DNM2: variants seen among roughly 807,000 people sequenced by gnomAD.
DNM2 encodes the protein dynamin 2, also known as dynamin-2.
A neutral mutation model predicts 99.0 loss-of-function variants in DNM2; 15 were observed. That is an observed-to-expected ratio of 0.15 (90% confidence interval 0.10 to 0.23). The LOEUF (loss-of-function observed/expected upper bound fraction) is 0.23, where lower values mean the gene tolerates loss of function less well. Ranked by LOEUF, DNM2 falls within the 10% of genes least tolerant of loss-of-function variation. The pLI is 1.00. For missense variants in DNM2, 742 were observed against 1,189.4 expected, an observed-to-expected ratio of 0.62 and a Z score of 5.53; for synonymous variants, 525 against 481.2, an observed-to-expected ratio of 1.09 and a Z score of -1.19.
chr19:10,817,171 A>C lies in DNM2; in HGVS notation c.1672-2809A>C, dbSNP rs1169863901. 6.6e-6 allele frequency among the ~76,000 whole-genome samples: 1 copy of C among 152,222 alleles called. No homozygotes were observed. The highest frequency in any genetic ancestry group is 2.4e-5 in the African/African-American group (1 of 41,452). ...CCTCAGTGAGACACAAGACATCAATATCTCTTTATTTAAAAAATAAACAAG... is the reference window on the plus strand; with the variant it reads ...CCTCAGTGAGACACAAGACATCAATCTCTCTTTATTTAAAAAATAAACAAG... On this transcript the variant is annotated intron_variant, in intron 15 of 20. Coordinates refer to ENST00000389253, the MANE Select transcript of DNM2 (RefSeq NM_001005361.3). This position sits in a 1 kb window ranked among gnomAD's most constrained non-coding sequence, Gnocchi z 4.6.
intron 11 of DNM2, among the ~76,000 whole-genome samples, chr19:10,802,017 C>T (rs576054340): frequency 4.6e-5 from 7 of 152,266 alleles, no homozygotes; most frequent in South Asian, 4.1e-4. Flanking sequence ...CAGGGTCACA[C>T]GGCCAATTAG....
chr19:10,734,723 AT>A (rs916955979), intron 1 of DNM2, among the ~76,000 whole-genome samples: 33 of 144,264 alleles, frequency 2.3e-4, no homozygotes, highest in African/African-American at 3.6e-4. Flanking sequence ...TTAAAAAAAA[AT>A]TTTTTTTTTT....
Position 10,718,300 on chromosome 19 carries a change from T to C in DNM2, c.58T>C (p.Phe20Leu). Residue 20 changes from phenylalanine (F) to leucine (L), a missense_variant, in exon 1 of 21, where the codon TTC becomes CTC. By Grantham distance (22) the Phe-to-Leu change is conservative (BLOSUM62 0). Coordinates refer to ENST00000389253, the MANE Select transcript of DNM2 (RefSeq NM_001005361.3). ...GCTGGTCAACAAACTGCAGGACGCC[T>C]TCAGCTCCATCGGCCAGAGCTGCCA... ...IPLVNKLQDAFSSIGQSCHLD... is the reference protein window; with the variant it reads ...IPLVNKLQDALSSIGQSCHLD... The C allele has an allele frequency of 6.6e-7, 1 of 1,507,484 alleles. No individual in the cohort carries two copies. The highest frequency in any genetic ancestry group is 8.9e-7 in the Non-Finnish European group (1 of 1,128,648). The allele number at this position is 1,507,484 out of a possible 1,614,324, so 93.4% of individuals were successfully genotyped here. A position where few individuals can be genotyped will look rare whatever the true frequency, so the allele number is the denominator to read the frequency against.
In DNM2 at chr19:10,811,501, A is replaced by C; in HGVS notation, c.1558-763A>C. ...CAGCCCACCCTTTGTAGCTTGGCCA[A>C]GTCTGTCAGTGCCTGGGTCCCAGGC... On this transcript the variant is annotated intron_variant, in intron 14 of 20. Coordinates refer to ENST00000389253, the MANE Select transcript of DNM2 (RefSeq NM_001005361.3). The surrounding 1 kb of genome is among the most constrained non-coding windows in gnomAD (Gnocchi z 5.4). 1 of 358,124 alleles carries C rather than the reference A, an allele frequency of 2.8e-6. No individual in the cohort carries two copies. Among genetic ancestry groups the C allele is most frequent in the Non-Finnish European group, 5.5e-6 (1 of 181,042 alleles). The allele number at this position is 358,124 out of a possible 1,614,324, so 22.2% of individuals were successfully genotyped here.
chr19:10,773,253 T>C (rs932196874), intron 3 of DNM2, among the ~76,000 whole-genome samples: 4 of 151,584 alleles, frequency 2.6e-5, no homozygotes, highest in African/African-American at 9.7e-5. Flanking sequence ...GTTCAAGCTA[T>C]TCTCCTGCCT....
At chr19:10,747,303 A>C (rs138679780) in intron 1 of DNM2, among the ~76,000 whole-genome samples, 35 of 152,174 alleles carry the variant, frequency 2.3e-4, no homozygotes, top group Admixed American at 1.5e-3. Flanking sequence ...AGGCACAAAG[A>C]GGTTACCTGA....
At chr19:10,786,870 C>T (rs998738943) in intron 7 of DNM2, 164 bp downstream of exon 7, 9 of 1,423,722 alleles carry the variant, frequency 6.3e-6, no homozygotes, top group East Asian at 5.0e-5. Context: ...GCATGGCATT[C>T]GCCCCAGTGG....
chr19:10,742,536 C>G (rs1344435059), intron 1 of DNM2, among the ~76,000 whole-genome samples: 2 of 152,200 alleles, frequency 1.3e-5, no homozygotes, highest in African/African-American at 4.8e-5. Flanking sequence ...CAGTTCCTGC[C>G]GTGAGGCTGT....
At chr19:10,732,335 T>A (rs78859081) in intron 1 of DNM2, among the ~76,000 whole-genome samples, 7,182 of 140,694 alleles carry the variant, frequency 0.051, 496 homozygotes, top group East Asian at 0.34. Context: ...GGGCGGTGGC[T>A]CATGCCTGTA....
At position 10,798,657 on chromosome 19, in the gene DNM2, A is replaced by G. The variant is rs138580985; in HGVS notation, c.1422+85A>G. On this transcript the variant is annotated intron_variant, in intron 11 of 20. Coordinates refer to ENST00000389253, the MANE Select transcript of DNM2 (RefSeq NM_001005361.3). ...CTGTTCTGTGCATGCTGACAGCTGC[A>G]TATGGCAAAGTAACCCTTACCTCAA... is the stretch of plus-strand genomic sequence containing the variant. 464 of 1,478,704 alleles carry G rather than the reference A, an allele frequency of 3.1e-4. 6 individuals carry two copies. The Middle Eastern group carries it at 4.2e-3, about 14-fold the overall frequency. 91.6% of individuals were successfully genotyped at this position (1,478,704 alleles called of 1,614,324 possible).
chr19:10,791,009 C>G (rs2071736651), intron 7 of DNM2, among the ~76,000 whole-genome samples: 1 of 152,186 alleles, frequency 6.6e-6, no homozygotes, highest in Non-Finnish European at 1.5e-5. Context: ...CTCAAGCAAA[C>G]CGCCTGCCTG....
At position 10,793,807 on chromosome 19, in the gene DNM2, C is replaced by G. The variant is rs1378014020; in HGVS notation, c.1080C>G (p.Ala360=). 1.2e-6 allele frequency: 2 copies of G among 1,613,982 alleles called. No individual in the cohort carries two copies. Among genetic ancestry groups the G allele is most frequent in the South Asian group, 1.1e-5 (1 of 91,078 alleles). ...QVDTLELSGG[A]RINRIFHERF... ...ACACTCTGGAGCTCTCCGGGGGCGC[C>G]CGAATCAATCGCATCTTCCACGAGC... Residue 360 remains alanine (A), a synonymous_variant, in exon 8 of 21, where the codon GCC becomes GCG. Coordinates refer to ENST00000389253, the MANE Select transcript of DNM2 (RefSeq NM_001005361.3).
intron 4 of DNM2, 42 bp from the exon 5 acceptor site, chr19:10,777,076 C>T (rs749148877): frequency 1.2e-6 from 2 of 1,605,158 alleles, no homozygotes; most frequent in South Asian, 2.2e-5. Flanking sequence ...GATGCTCTTT[C>T]CTGGTGGCAG....
rs2072536606 is a variant in DNM2, at chr19:10,811,362, GC to G, written c.1558-898del. 7.6e-6 allele frequency: 2 copies of G among 261,650 alleles called. No individual in the cohort carries two copies. The highest frequency in any genetic ancestry group is 1.1e-4 in the East Asian group (1 of 8,912). The allele number at this position is 261,650 out of a possible 1,614,324, so 16.2% of individuals were successfully genotyped here. On this transcript the variant is annotated intron_variant, in intron 14 of 20. Coordinates refer to ENST00000389253, the MANE Select transcript of DNM2 (RefSeq NM_001005361.3). This position sits in a 1 kb window ranked among gnomAD's most constrained non-coding sequence, Gnocchi z 5.4. ...CGCCCCCGACTAGGACAGCATCTGG[GC>G]CCCAGAGGGATTCCTGGAGGCCCCA...
intron 19 of DNM2, among the ~76,000 whole-genome samples, chr19:10,829,841 G>GC (rs1364355721): frequency 6.6e-6 from 1 of 152,134 alleles, no homozygotes; most frequent in Non-Finnish European, 1.5e-5. Context: ...AGGTTCCACG[G>GC]CCCCTAGAGA....
intron 15 of DNM2, among the ~76,000 whole-genome samples, chr19:10,819,245 CTA>C (rs1175841402): frequency 2.0e-5 from 3 of 152,122 alleles, no homozygotes; most frequent in Admixed American, 6.6e-5. Context: ...GACCCCATCT[CTA>C]TTAAAATAAT....
At chr19:10,789,957 C>T (rs11666111) in intron 7 of DNM2, among the ~76,000 whole-genome samples, 10,205 of 152,324 alleles carry the variant, frequency 0.067, 350 homozygotes, top group South Asian at 0.098. Flanking sequence ...TAGCACGTTA[C>T]GTCATTTGTA....
In DNM2 at chr19:10,796,009, CTTTG is replaced by C. The variant is rs1354964413; in HGVS notation, c.1196+574_1196+577del. The C allele has an allele frequency of 5.0e-6, 8 of 1,611,380 alleles. No individual in the cohort carries two copies. Among genetic ancestry groups the C allele is most frequent in the Non-Finnish European group, 6.8e-6 (8 of 1,179,938 alleles). ...AGGGCCAATGAAATTGCTGACCATG[CTTTG>C]TTTCTCTCTGACTTATCTCCCCTGC... On this transcript the variant is annotated intron_variant, in intron 9 of 20. Coordinates refer to ENST00000389253, the MANE Select transcript of DNM2 (RefSeq NM_001005361.3). This position sits in a 1 kb window ranked among gnomAD's most constrained non-coding sequence, Gnocchi z 5.6.
chr19:10,718,874 C>G (rs902355735), intron 1 of DNM2, among the ~76,000 whole-genome samples: 6 of 152,182 alleles, frequency 3.9e-5, no homozygotes, highest in Non-Finnish European at 8.8e-5. Flanking sequence ...CTGTCCTGGG[C>G]AAGCCTCCCT....
Sources: gnomAD v4.1 joint callset for allele counts (sites outside exome capture counted in the v4.1 genomes callset) on GRCh38, gnomAD v4.1.1 for gene constraint, Gnocchi (gnomAD v3.1) non-coding constraint, MANE v1.5 for transcripts, NCBI Gene and HGNC (gene_info 2026-07-23, HGNC 2026-07-21) for gene names.